STX3: variants seen among roughly 807,000 people sequenced by gnomAD.
STX3 encodes syntaxin-3.
STX3 carries 19 observed loss-of-function variants against 40.2 expected under a neutral mutation model. The observed-to-expected ratio is 0.47, with a 90% CI of 0.33 to 0.69. The LOEUF (loss-of-function observed/expected upper bound fraction) is 0.69, where lower values mean the gene tolerates loss of function less well. STX3 is among the 30% of genes least tolerant of loss of function. STX3 has a pLI of 0.02. For synonymous variants in STX3, 122 were observed against 132.2 expected, an observed-to-expected ratio of 0.92 and a Z score of 0.53; for missense variants, 364 against 366.7, an observed-to-expected ratio of 0.99 and a Z score of 0.06.
chr11:59,786,303 G>T (rs1189003750), intron 2 of STX3, among the ~76,000 whole-genome samples: 1 of 147,252 alleles, frequency 6.8e-6, no homozygotes. Context: ...GCAGTGGTGC[G>T]AACTCGGCTC....
At chr11:59,759,251 T>A (rs1422975614) in intron 1 of STX3, among the ~76,000 whole-genome samples, 4 of 152,208 alleles carry the variant, frequency 2.6e-5, no homozygotes, top group Non-Finnish European at 5.9e-5. Flanking sequence ...GAATTGAGGC[T>A]TAACAAGAAA....
chr11:59,800,554 G>C, intron 10 of STX3: 1 of 985,418 alleles, frequency 1.0e-6, no homozygotes, highest in Non-Finnish European at 1.2e-6. Context: ...TGTGGGACCT[G>C]CAGAGCAGGT....
In STX3 at chr11:59,788,909, T is replaced by G; in HGVS notation, c.251T>G (p.Ile84Ser). ...GACCTAGAGCAGCTCACGACTGAGA[T>G]TAAGAAAAGGGCCAACAACGTCCGG... ...KDDLEQLTTE[I>S]KKRANNVRNK... Residue 84 changes from isoleucine (I) to serine (S), a missense_variant, in exon 4 of 11, where the codon ATT (isoleucine) becomes AGT (serine). Transcript: ENST00000337979. 6.2e-7 allele frequency: 1 copy of G among 1,612,436 alleles called. No homozygotes were observed. Among genetic ancestry groups the G allele is most frequent in the South Asian group, 1.1e-5 (1 of 90,748 alleles).
At chr11:59,769,362 C>T (rs1478841214) in intron 1 of STX3, among the ~76,000 whole-genome samples, 12 of 152,004 alleles carry the variant, frequency 7.9e-5, no homozygotes, top group Non-Finnish European at 1.0e-4. Context: ...AGCGGGGCAG[C>T]GGGGTTAGGC....
rs889878656 is a variant in STX3, at chr11:59,755,432, C to A, written c.-174C>A. 2.3e-5 allele frequency: 14 copies of A among 599,086 alleles called. No homozygotes were observed. Among genetic ancestry groups the A allele is most frequent in the Admixed American group, 1.3e-4 (3 of 22,422 alleles). The allele number at this position is 599,086 out of a possible 1,614,324, so 37.1% of individuals were successfully genotyped here. ...GAGGGGGCTGCGCGGCGGAGGCTCC[C>A]GTGGCCTCGGACGCTCCTCCTAGCT... On this transcript the variant is annotated 5_prime_UTR_variant, in exon 1 of 11. Coordinates refer to ENST00000337979, the MANE Select transcript of STX3 (RefSeq NM_004177.5).
intron 1 of STX3, among the ~76,000 whole-genome samples, chr11:59,758,837 A>G (rs1862874751): frequency 6.6e-6 from 1 of 152,226 alleles, no homozygotes; most frequent in African/African-American, 2.4e-5. Context: ...TTTGCTGAGT[A>G]CTGAGTACCC....
intron 1 of STX3, among the ~76,000 whole-genome samples, chr11:59,765,793 G>T (rs1368563966): frequency 6.6e-6 from 1 of 152,028 alleles, no homozygotes; most frequent in Non-Finnish European, 1.5e-5. Context: ...GATAGAGCAA[G>T]ACTCTGTCTC....
chr11:59,791,764 G>C (rs1408206544), intron 5 of STX3, among the ~76,000 whole-genome samples: 1 of 152,148 alleles, frequency 6.6e-6, no homozygotes, highest in African/African-American at 2.4e-5. Context: ...TGTGGGAAGG[G>C]AATCTGACAG....
chr11:59,754,511 G>C (rs1862611500), upstream of STX3: 1 of 153,094 alleles, frequency 6.5e-6, no homozygotes, highest in Non-Finnish European at 1.5e-5. Flanking sequence ...GGAGAAGAGG[G>C]AGAGGCGGGG....
At chr11:59,774,214 C>T (rs1393432531) in intron 2 of STX3, among the ~76,000 whole-genome samples, 3 of 151,890 alleles carry the variant, frequency 2.0e-5, no homozygotes, top group Non-Finnish European at 2.9e-5. Context: ...CACTGGCTTT[C>T]GAGCTGGGTA....
intron 2 of STX3, among the ~76,000 whole-genome samples, chr11:59,778,268 G>A (rs545501384): frequency 2.0e-5 from 3 of 152,266 alleles, no homozygotes; most frequent in Admixed American, 6.5e-5. Flanking sequence ...CTGTGACAGC[G>A]TTGCAAGCAT....
rs574965735 is a variant in STX3, at chr11:59,801,995, A to G, written c.*1171A>G. On this transcript the variant is annotated 3_prime_UTR_variant, in exon 11 of 11. Coordinates refer to ENST00000337979, the MANE Select transcript of STX3 (RefSeq NM_004177.5). The stretch of plus-strand genomic sequence containing the variant: ...TCTGGAGTGAGCTAAATTGATCCCA[A>G]TTAAGTTTTTCTGCTTAGCAGACAG... The G allele has an allele frequency of 1.4e-5, 14 of 985,432 alleles. No homozygotes were observed. Among genetic ancestry groups the G allele is most frequent in the South Asian group, 1.4e-4 (3 of 21,292 alleles). 61.0% of individuals were successfully genotyped at this position (985,432 alleles called of 1,614,324 possible). A position where few individuals can be genotyped will look rare whatever the true frequency, so the allele number is the denominator to read the frequency against.
In STX3 at chr11:59,803,000, C is replaced by A. The variant is rs117506016; in HGVS notation, c.*2176C>A. 2.4e-3 allele frequency: 2,325 copies of A among 973,296 alleles called. 1 individual carries two copies. Among genetic ancestry groups the A allele is most frequent in the Non-Finnish European group, 2.7e-3 (2,215 of 824,128 alleles). The allele number at this position is 973,296 out of a possible 1,614,324, so 60.3% of individuals were successfully genotyped here. ...CGATGTTATCTAGAAGGTGGAATGA[C>A]CATACCAAACATCCTTTTAATCTAA... On this transcript the variant is annotated 3_prime_UTR_variant, in exon 11 of 11. Coordinates refer to ENST00000337979, the MANE Select transcript of STX3 (RefSeq NM_004177.5).
chr11:59,771,896 C>T (rs952657057), intron 1 of STX3, among the ~76,000 whole-genome samples: 7 of 152,140 alleles, frequency 4.6e-5, no homozygotes, highest in Non-Finnish European at 7.3e-5. Context: ...GGTAGCAGTG[C>T]CCTCAAATTC....
chr11:59,795,018 C>T (rs1865429800), intron 8 of STX3, among the ~76,000 whole-genome samples: 2 of 152,156 alleles, frequency 1.3e-5, no homozygotes, highest in Non-Finnish European at 2.9e-5. Context: ...AATGAGATAT[C>T]CTTATTTTGG....
chr11:59,786,772 G>C (rs767920115), intron 2 of STX3, among the ~76,000 whole-genome samples: 1 of 151,930 alleles, frequency 6.6e-6, no homozygotes, highest in Non-Finnish European at 1.5e-5. Flanking sequence ...TCTTGACTTT[G>C]GCCTGAATCC....
chr11:59,795,617 C>T (rs529214323), intron 9 of STX3, 135 bp downstream of exon 9: 5 of 1,540,254 alleles, frequency 3.2e-6, no homozygotes, highest in African/African-American at 1.4e-5. Flanking sequence ...CATGATTGAC[C>T]GTATTGAGAA....
intron 1 of STX3, among the ~76,000 whole-genome samples, chr11:59,756,025 A>G (rs1286948446): frequency 1.3e-5 from 2 of 151,912 alleles, no homozygotes; most frequent in African/African-American, 4.8e-5. Flanking sequence ...CTGAGGTGCT[A>G]CAGGCCTGGC....
chr11:59,772,155 A>AG (rs1289229220), intron 1 of STX3, among the ~76,000 whole-genome samples: 3 of 152,216 alleles, frequency 2.0e-5, no homozygotes, highest in African/African-American at 7.2e-5. Flanking sequence ...TCTTGGACTT[A>AG]GAGGGTCAGA....
Sources: gnomAD v4.1 joint callset for allele counts (sites outside exome capture counted in the v4.1 genomes callset) on GRCh38, gnomAD v4.1.1 for gene constraint, MANE v1.5 for transcripts, NCBI Gene and HGNC (gene_info 2026-07-23, HGNC 2026-07-21) for gene names.